ABHD5: variants seen among roughly 807,000 people sequenced by gnomAD.
The protein encoded by ABHD5 is abhydrolase domain containing 5, lysophosphatidic acid acyltransferase.
ABHD5 carries 30 observed loss-of-function variants against 44.9 expected under a neutral mutation model. The observed-to-expected ratio is 0.67, with a 90% confidence interval of 0.50 to 0.91. ABHD5 has a LOEUF of 0.91. ABHD5 is among the 40% of genes least tolerant of loss of function. The probability of loss-of-function intolerance (pLI) is 0.00; values close to 1 mark genes in which losing one functional copy is unlikely to be tolerated. For synonymous variants in ABHD5, 167 were observed against 147.0 expected (o/e 1.14, Z -0.99); for missense variants, 399 against 423.4 (o/e 0.94, Z 0.50).
rs935823294 is a variant in ABHD5 at position 43,721,810 on chromosome 3, A to G, written c.*3278A>G. 1.3e-5 allele frequency: 2 copies of G among 152,216 alleles called. No homozygotes were observed. Among genetic ancestry groups the G allele is most frequent in the Non-Finnish European group, 2.9e-5 (2 of 68,040 alleles). The allele number at this position is 152,216 out of a possible 1,614,324, so 9.4% of individuals were successfully genotyped here. A position where few individuals can be genotyped will look rare whatever the true frequency, so the allele number is the denominator to read the frequency against. On this transcript the variant is annotated 3_prime_UTR_variant, in exon 7 of 7. Transcript: ENST00000644371. ...ATGAGAAGAACCCGAAGAATAGGCAAAAGGATGTGAACAGACAGTTAACAG... is the reference window on the plus strand; with the variant it reads ...ATGAGAAGAACCCGAAGAATAGGCAGAAGGATGTGAACAGACAGTTAACAG...
At chr3:43,714,355 G>A (rs559458384) in intron 4 of ABHD5, among the ~76,000 whole-genome samples, 3 of 151,882 alleles carry the variant, frequency 2.0e-5, no homozygotes, top group East Asian at 2.0e-4. Flanking sequence ...GGCTGGTCTC[G>A]AACTCCTGAC....
At chr3:43,693,017 C>T (rs2084419477) in intron 1 of ABHD5, among the ~76,000 whole-genome samples, 1 of 152,164 alleles carries the variant, frequency 6.6e-6, no homozygotes, top group Admixed American at 6.5e-5. Flanking sequence ...TACTGGGATC[C>T]ATTTTGCTTT....
intron 5 of ABHD5, among the ~76,000 whole-genome samples, chr3:43,717,311 C>T (rs192254179): frequency 3.3e-5 from 5 of 152,170 alleles, no homozygotes; most frequent in East Asian, 3.9e-4. Context: ...GCAGGTGAAA[C>T]GCTGGTGCCA....
downstream of ABHD5, among the ~76,000 whole-genome samples, chr3:43,725,236 A>T (rs1244008437): frequency 1.3e-5 from 2 of 152,192 alleles, no homozygotes; most frequent in South Asian, 4.1e-4. Flanking sequence ...CTGAATTAGA[A>T]TATCTACTTC....
In ABHD5 at chr3:43,719,513, A is replaced by G. The variant is rs1038411959; in HGVS notation, c.*981A>G. ...CTAAAATAGAAAAACAAGTGGTGCT[A>G]TTATGTCTCATGGCACCAGAAATGA... On this transcript the variant is annotated 3_prime_UTR_variant, in exon 7 of 7. Coordinates refer to ENST00000644371, the MANE Select transcript of ABHD5 (RefSeq NM_016006.6). The G allele has an allele frequency of 3.3e-5, 5 of 152,198 alleles. No individual in the cohort carries two copies. The highest frequency in any genetic ancestry group is 1.2e-4 in the African/African-American group (5 of 41,456). The allele number at this position is 152,198 out of a possible 1,614,324, so 9.4% of individuals were successfully genotyped here. A position where few individuals can be genotyped will look rare whatever the true frequency, so the allele number is the denominator to read the frequency against.
At position 43,722,474 on chromosome 3, in the gene ABHD5, T is replaced by TTTTC. The variant is rs2084848206; in HGVS notation, c.*3942_*3943insTTTC. On this transcript the variant is annotated 3_prime_UTR_variant, in exon 7 of 7. Coordinates refer to ENST00000644371, the MANE Select transcript of ABHD5 (RefSeq NM_016006.6). ...CTCCTTGTTAGTGGTGGTAGGGAGC[T>TTTTC]AGACAAGGATGGCAACTATTTCTGT... 6.6e-6 allele frequency: 1 copy of TTTTC among 152,212 alleles called. No homozygotes were observed. Among genetic ancestry groups the TTTTC allele is most frequent in the South Asian group, 2.1e-4 (1 of 4,834 alleles). 9.4% of individuals were successfully genotyped at this position (152,212 alleles called of 1,614,324 possible). A position where few individuals can be genotyped will look rare whatever the true frequency, so the allele number is the denominator to read the frequency against.
Position 43,717,698 on chromosome 3 carries a change from T to G in ABHD5, c.801T>G (p.Thr267=), listed in dbSNP as rs1283826039. 5 of 1,614,246 alleles carry G rather than the reference T, an allele frequency of 3.1e-6. No individual in the cohort carries two copies. The South Asian group carries it at 5.5e-5, about 18-fold the overall frequency. The change falls in exon 6 of 7, where the codon ACT becomes ACG. Residue 267 remains threonine, a synonymous_variant. Coordinates refer to ENST00000644371, the MANE Select transcript of ABHD5 (RefSeq NM_016006.6). Reference sequence around the variant, plus strand: ...GTGAGACAGCTTTCAAGAATATGACTATTCCTTATGGATGGGCAAAAAGGC... The same window carrying G: ...GTGAGACAGCTTTCAAGAATATGACGATTCCTTATGGATGGGCAAAAAGGC... ...PSGETAFKNM[T]IPYGWAKRPM... is the part of the protein sequence containing the mutation.
chr3:43,691,318 C>G (rs765186383), intron 1 of ABHD5: 122 of 306,296 alleles, frequency 4.0e-4, no homozygotes, highest in Non-Finnish European at 5.8e-4. Flanking sequence ...GGGTCCGCCC[C>G]GTTGTTGTAT....
downstream of ABHD5, among the ~76,000 whole-genome samples, chr3:43,726,339 T>C (rs2084877784): frequency 6.6e-6 from 1 of 152,142 alleles, no homozygotes; most frequent in Non-Finnish European, 1.5e-5. Flanking sequence ...ATCTTTAACA[T>C]ATATCTGTTC....
chr3:43,733,732 G>A (rs1697286754), intron 7 of ABHD5: 1 of 152,138 alleles, frequency 6.6e-6, no homozygotes, highest in South Asian at 2.1e-4. Flanking sequence ...AACGTATTTG[G>A]GGTACATATT....
At chr3:43,712,429 G>A (rs1172967768) in intron 4 of ABHD5, among the ~76,000 whole-genome samples, 1 of 152,096 alleles carries the variant, frequency 6.6e-6, no homozygotes, top group Non-Finnish European at 1.5e-5. Flanking sequence ...ATATTTTGAG[G>A]CACCAGTGTT....
At chr3:43,700,816 C>T (rs1386533214) in intron 2 of ABHD5, among the ~76,000 whole-genome samples, 2 of 152,074 alleles carry the variant, frequency 1.3e-5, no homozygotes, top group Non-Finnish European at 2.9e-5. Context: ...TCAGGTGATC[C>T]ACCTGCCTCG....
In ABHD5 at chr3:43,715,016, C is replaced by T. The variant is rs376368923; in HGVS notation, c.731C>T (p.Thr244Ile). ...TATTCTTCAATGTTCGAAGACGATA[C>T]TGTGACAGAATACATCTACCACTGT... ...RKYSSMFEDD[T>I]VTEYIYHCNV... The change falls in exon 5 of 7, where the codon ACT becomes ATT. Residue 244 changes from threonine (T) to isoleucine (I), a missense_variant. Physicochemically the swap from Thr to Ile is moderately conservative, Grantham distance 89. Transcript: ENST00000644371. 9.3e-6 allele frequency: 15 copies of T among 1,612,596 alleles called. No individual in the cohort carries two copies. Among genetic ancestry groups the T allele is most frequent in the Non-Finnish European group, 1.2e-5 (14 of 1,179,430 alleles).
At chr3:43,716,350 T>G (rs567654186) in intron 5 of ABHD5, among the ~76,000 whole-genome samples, 1 of 152,302 alleles carries the variant, frequency 6.6e-6, no homozygotes, top group East Asian at 1.9e-4. Context: ...CTGGTGATTC[T>G]GTATAGGTGA....
At chr3:43,718,279 G>A (rs546400647) in intron 6 of ABHD5, among the ~76,000 whole-genome samples, 164 bp from the exon 7 acceptor site, 1 of 152,106 alleles carries the variant, frequency 6.6e-6, no homozygotes, top group Admixed American at 6.5e-5. Context: ...TCCTTTTAAT[G>A]GATATACTTA....
intron 3 of ABHD5, among the ~76,000 whole-genome samples, chr3:43,710,183 A>G (rs1397203793): frequency 6.6e-6 from 1 of 152,222 alleles, no homozygotes; most frequent in Non-Finnish European, 1.5e-5. Context: ...TGAAATTTTT[A>G]GGCTGTGAAG....
chr3:43,725,280 C>A (rs141579234), downstream of ABHD5, among the ~76,000 whole-genome samples: 240 of 152,300 alleles, frequency 1.6e-3, no homozygotes, highest in African/African-American at 5.6e-3. Context: ...CTCTGCCTCT[C>A]TCTTGCCATC....
At chr3:43,716,729 A>T (rs1203271805) in intron 5 of ABHD5, among the ~76,000 whole-genome samples, 1 of 152,080 alleles carries the variant, frequency 6.6e-6, no homozygotes, top group South Asian at 2.1e-4. Flanking sequence ...CGGGAACATC[A>T]TTCATTTTCC....
chr3:43,726,689 G>A (rs891490221), downstream of ABHD5, among the ~76,000 whole-genome samples: 1 of 152,210 alleles, frequency 6.6e-6, no homozygotes, highest in Non-Finnish European at 1.5e-5. Flanking sequence ...AAACATCTGA[G>A]CATGAGATGT....
Sources: allele counts gnomAD v4.1 joint callset (sites outside exome capture counted in the v4.1 genomes callset), GRCh38; gene constraint gnomAD v4.1.1; transcripts MANE v1.5; gene names NCBI Gene and HGNC (gene_info 2026-07-23, HGNC 2026-07-21).